Variants in NELL1 observed in about 807,000 individuals in gnomAD.
NELL1 encodes neural EGFL like 1.
Under a neutral mutation model 107.4 loss-of-function variants are expected in NELL1, and 76 were observed. That is an observed-to-expected ratio of 0.71 (90% CI 0.59 to 0.86). The LOEUF is 0.86. Ranked by LOEUF, NELL1 falls within the 40% of genes least tolerant of loss-of-function variation. The pLI is 0.00. For synonymous variants in NELL1, 353 were observed against 341.2 expected (o/e 1.03, Z -0.38); for missense variants, 1,024 against 1,005.5 (o/e 1.02, Z -0.25).
chr11:21,105,267 CAG>C (rs376948810), intron 12 of NELL1, among the ~76,000 whole-genome samples: 1 of 151,580 alleles, frequency 6.6e-6, no homozygotes. Context: ...CTCTCTCCTG[CAG>C]AGAGAGAGAG....
At chr11:21,166,490 C>G (rs1270898646) in intron 13 of NELL1, among the ~76,000 whole-genome samples, 1 of 151,748 alleles carries the variant, frequency 6.6e-6, no homozygotes, top group Non-Finnish European at 1.5e-5. Flanking sequence ...AGAATAAATG[C>G]TTGTCATGAT....
chr11:21,251,237 C>T (rs1004727696), intron 14 of NELL1, among the ~76,000 whole-genome samples: 1 of 152,062 alleles, frequency 6.6e-6, no homozygotes, highest in African/African-American at 2.4e-5. Flanking sequence ...TATCTAGATA[C>T]CTGTATGACA....
intron 3 of NELL1, among the ~76,000 whole-genome samples, chr11:20,842,105 G>T (rs567918565): frequency 2.6e-5 from 4 of 152,234 alleles, no homozygotes; most frequent in Admixed American, 2.0e-4. Flanking sequence ...GGCTGGGTGC[G>T]GTGGCTCATG....
chr11:20,702,118 G>T (rs914155135), intron 2 of NELL1, among the ~76,000 whole-genome samples: 2 of 152,078 alleles, frequency 1.3e-5, no homozygotes, highest in African/African-American at 4.8e-5. Flanking sequence ...CCATTTTCAT[G>T]ATACTGAGTT....
chr11:21,006,104 G>A (rs1026347893), intron 12 of NELL1, among the ~76,000 whole-genome samples: 20 of 152,058 alleles, frequency 1.3e-4, no homozygotes, highest in Admixed American at 9.8e-4. Context: ...GTTCCAGGAT[G>A]AGATCTGCTA....
At chr11:20,680,832 C>A (rs978290363) in intron 2 of NELL1, among the ~76,000 whole-genome samples, 2 of 152,126 alleles carry the variant, frequency 1.3e-5, no homozygotes, top group African/African-American at 4.8e-5. Context: ...AGACATCTTT[C>A]ATTGTGTCCT....
intron 14 of NELL1, among the ~76,000 whole-genome samples, chr11:21,303,709 G>A (rs1432117466): frequency 2.0e-5 from 3 of 152,084 alleles, no homozygotes; most frequent in African/African-American, 7.2e-5. Context: ...ACATGCACTT[G>A]TATGTTTATC....
intron 4 of NELL1, among the ~76,000 whole-genome samples, chr11:20,883,889 G>A (rs1215294215): frequency 4.8e-4 from 73 of 152,148 alleles, no homozygotes. Context: ...AAGGAAGTGT[G>A]TATCATGCTC....
intron 12 of NELL1, among the ~76,000 whole-genome samples, chr11:21,052,727 C>T (rs1314210326): frequency 1.3e-5 from 2 of 152,026 alleles, no homozygotes; most frequent in East Asian, 3.9e-4. Context: ...TGAGGAGAAG[C>T]CCCCACATCA....
In NELL1 at chr11:21,198,750, T is replaced by A. The variant is rs562893898; in HGVS notation, c.1427-30582T>A. 7.2e-5 allele frequency among the ~76,000 whole-genome samples: 11 copies of A among 152,280 alleles called. No individual in the cohort carries two copies. The East Asian group carries it at 1.6e-3, about 21-fold the overall frequency. On this transcript the variant is annotated intron_variant, in intron 13 of 19. Coordinates refer to ENST00000357134, the MANE Select transcript of NELL1 (RefSeq NM_006157.5). The stretch of plus-strand genomic sequence containing the variant: ...CTGGTGTTGCTTTGGCATTTGGAAA[T>A]CAGCATTTATTTTCAAAGTCTATCC...
chr11:20,987,216 T>C (rs1026301486), intron 12 of NELL1, among the ~76,000 whole-genome samples: 11 of 152,176 alleles, frequency 7.2e-5, no homozygotes, highest in Non-Finnish European at 1.5e-4. Context: ...TATTCCCCCT[T>C]TGAAACCATC....
chr11:21,183,413 C>T (rs2133826502), intron 13 of NELL1, among the ~76,000 whole-genome samples: 1 of 152,028 alleles, frequency 6.6e-6, no homozygotes, highest in Middle Eastern at 3.4e-3. Context: ...TTCATAGGGT[C>T]AGCTGAACAA....
intron 12 of NELL1, among the ~76,000 whole-genome samples, chr11:20,984,207 A>G (rs1344587404): frequency 1.3e-5 from 2 of 152,068 alleles, no homozygotes; most frequent in Non-Finnish European, 2.9e-5. Flanking sequence ...GATTCTGGAC[A>G]TTTTCCCCAT....
chr11:20,817,104 T>A (rs577296666), intron 3 of NELL1, among the ~76,000 whole-genome samples: 23 of 152,174 alleles, frequency 1.5e-4, no homozygotes, highest in Non-Finnish European at 1.3e-4. Flanking sequence ...AGTTTTCATT[T>A]TTTGTTGTGT....
chr11:21,228,945 G>A (rs1398717607), intron 13 of NELL1, among the ~76,000 whole-genome samples: 26 of 151,454 alleles, frequency 1.7e-4, no homozygotes, highest in Non-Finnish European at 2.9e-5. Context: ...CCCAATCATG[G>A]CAACCAAAAA....
chr11:21,209,141 T>G (rs1857447395), intron 13 of NELL1, among the ~76,000 whole-genome samples: 1 of 152,054 alleles, frequency 6.6e-6, no homozygotes, highest in Admixed American at 6.6e-5. Context: ...AGATTTATAT[T>G]TATTTTGACT....
chr11:21,266,590 T>TTC (rs1409286527), intron 14 of NELL1, among the ~76,000 whole-genome samples: 1 of 152,066 alleles, frequency 6.6e-6, no homozygotes, highest in African/African-American at 2.4e-5. Flanking sequence ...TGTGACACCC[T>TTC]TCTCTCTCTC....
chr11:21,009,997 G>A (rs900101945), intron 12 of NELL1, among the ~76,000 whole-genome samples: 1 of 136,754 alleles, frequency 7.3e-6, no homozygotes, highest in Non-Finnish European at 1.5e-5. Flanking sequence ...CCTGTGCTGT[G>A]GGATGTGGCT....
chr11:21,398,663 C>T (rs1590899253), intron 15 of NELL1, among the ~76,000 whole-genome samples: 2 of 151,812 alleles, frequency 1.3e-5, no homozygotes, highest in East Asian at 3.9e-4. Context: ...TCTGTTCCTA[C>T]CAATGATCAG....
Sources: gnomAD v4.1 joint callset for allele counts (sites outside exome capture counted in the v4.1 genomes callset) on GRCh38, gnomAD v4.1.1 for gene constraint, MANE v1.5 for transcripts, NCBI Gene and HGNC (gene_info 2026-07-23, HGNC 2026-07-21) for gene names.